Variants in TTC19 observed in about 807,000 individuals in gnomAD.
TTC19 encodes the protein tetratricopeptide repeat protein 19, mitochondrial.
TTC19 carries 38 observed loss-of-function variants against 49.5 expected under a neutral mutation model. The observed-to-expected ratio is 0.77, with a 90% CI of 0.59 to 1.01. The LOEUF (loss-of-function observed/expected upper bound fraction) is 1.01. TTC19 is among the 50% of genes least tolerant of loss of function. The pLI, the probability that TTC19 is intolerant of heterozygous loss-of-function variation, is 0.00. For synonymous variants in TTC19, 204 were observed against 185.2 expected (o/e 1.10, Z -0.83); for missense variants, 475 against 477.7 (o/e 0.99, Z 0.05).
chr17:16,015,881 T>C (rs927995601), intron 7 of TTC19, among the ~76,000 whole-genome samples: 9 of 152,182 alleles, frequency 5.9e-5, no homozygotes, highest in African/African-American at 2.2e-4. Context: ...GGCACCTATA[T>C]TTTACTATTA....
chr17:16,025,377 C>T (rs1437817634), intron 8 of TTC19, among the ~76,000 whole-genome samples: 2 of 152,220 alleles, frequency 1.3e-5, no homozygotes, highest in Non-Finnish European at 2.9e-5. Context: ...GTTACTAGGT[C>T]TGCCCAGAAC....
At position 16,000,252 on chromosome 17, in the gene TTC19, C is replaced by T. The variant is rs1281809441; in HGVS notation, c.312+7C>T. On this transcript the variant is annotated splice_region_variant and intron_variant, in intron 2 of 9. Transcript: ENST00000261647. ...GCTGCTGAAGCGAGCCAAGGTGAGG[C>T]GGCTCCGGGCCCTGCGCCCGGCCGA... The T allele has an allele frequency of 6.3e-7, 1 of 1,593,956 alleles. No homozygotes were observed. Among genetic ancestry groups the T allele is most frequent in the South Asian group, 1.1e-5 (1 of 90,872 alleles).
At chr17:16,002,913 C>A in intron 4 of TTC19, 82 bp downstream of exon 4, 1 of 1,302,860 alleles carries the variant, frequency 7.7e-7, no homozygotes, top group Non-Finnish European at 1.1e-6. Flanking sequence ...ACAGGCTAAG[C>A]TGCTATAACA....
chr17:16,023,577 A>G (rs1971449152), intron 7 of TTC19: 1 of 152,236 alleles, frequency 6.6e-6, no homozygotes. Flanking sequence ...TGTTAACATC[A>G]TTCTCGAATA....
At chr17:16,027,123 C>G in intron 9 of TTC19, 1 of 549,560 alleles carries the variant, frequency 1.8e-6, no homozygotes, top group Non-Finnish European at 3.3e-6. Context: ...AGGTGTATTA[C>G]ACATACCACC....
chr17:16,043,151 CTG>C (rs775727486), intron 2 of TTC19, among the ~76,000 whole-genome samples: 1 of 152,174 alleles, frequency 6.6e-6, no homozygotes, highest in Non-Finnish European at 1.5e-5. Flanking sequence ...AAGTGGTTCA[CTG>C]TGTCAAAAGC....
intron 5 of TTC19, 114 bp from the exon 6 acceptor site, chr17:16,004,087 C>G: frequency 8.2e-7 from 1 of 1,212,740 alleles, no homozygotes; most frequent in Non-Finnish European, 1.2e-6. Context: ...GCTCATCACT[C>G]TAAAAGAATA....
intron 3 of TTC19, 26 bp from the exon 4 acceptor site, chr17:16,002,767 A>C (rs1970781120): frequency 6.2e-7 from 1 of 1,612,696 alleles, no homozygotes; most frequent in Admixed American, 1.7e-5. Flanking sequence ...TTCTAAACTG[A>C]AAAACAATTT....
At chr17:16,038,243 T>A (rs2056824932) in intron 2 of TTC19, among the ~76,000 whole-genome samples, 1 of 152,212 alleles carries the variant, frequency 6.6e-6, no homozygotes, top group South Asian at 2.1e-4. Flanking sequence ...AAAAAGGTTG[T>A]AAGATTAAAG....
At chr17:16,032,545 A>C, downstream of TTC19, 3 of 1,461,876 alleles carry the variant, frequency 2.1e-6, no homozygotes, top group South Asian at 2.8e-5. Context: ...ATCCAATCCA[A>C]CTTTTGTAGG....
At chr17:16,032,211 G>A (rs529056639), downstream of TTC19, 2 of 1,335,270 alleles carry the variant, frequency 1.5e-6, no homozygotes, top group Non-Finnish European at 2.0e-6. Context: ...TCACAGGAGG[G>A]CAGGTTTTTG....
At chr17:16,040,209 GTTCT>G in intron 2 of TTC19, 1 of 631,810 alleles carries the variant, frequency 1.6e-6, no homozygotes, top group Non-Finnish European at 2.9e-6. Flanking sequence ...TTTTGACAGT[GTTCT>G]TTAATAGTTT....
chr17:16,029,665 A>G (rs1322573243), downstream of TTC19: 2 of 167,892 alleles, frequency 1.2e-5, no homozygotes, highest in African/African-American at 4.8e-5. Flanking sequence ...AACCACAGTA[A>G]GTTGTCAGTG....
downstream of TTC19, chr17:16,032,497 A>C (rs768400748): frequency 1.1e-5 from 17 of 1,562,190 alleles, no homozygotes; most frequent in Admixed American, 2.0e-4. Flanking sequence ...ACAAAAGAAA[A>C]ATTAGGTTTT....
Position 16,034,924 on chromosome 17 carries a change from G to T in TTC19, c.247+8222G>T. 1.2e-6 allele frequency: 2 copies of T among 1,613,904 alleles called. No homozygotes were observed. The highest frequency in any genetic ancestry group is 1.7e-6 in the Non-Finnish European group (2 of 1,179,958). ...TTCCTGCTGTTTGACTTGCTGATCA[G>T]CTTTGGTTTGCAAACTCCTCCTGAA... On this transcript the variant is annotated intron_variant, in intron 2 of 2. Transcript: ENST00000470649.
chr17:16,031,004 ATACT>A (rs1971882232), downstream of TTC19: 1 of 196,812 alleles, frequency 5.1e-6, no homozygotes, highest in Admixed American at 6.1e-5. Flanking sequence ...TTATAGAAAG[ATACT>A]TAAATGCTAT....
intron 8 of TTC19, 152 bp from the exon 9 acceptor site, chr17:16,026,388 G>A (rs965981612): frequency 2.9e-6 from 2 of 699,910 alleles, no homozygotes; most frequent in South Asian, 1.9e-5. Context: ...ATTAACAAAT[G>A]CCCACAAATT....
chr17:16,030,841 C>G (rs1055709371), downstream of TTC19: 3 of 185,872 alleles, frequency 1.6e-5, no homozygotes, highest in African/African-American at 7.0e-5. Context: ...TAGCTAATCA[C>G]AGAGCTGCTT....
chr17:16,009,562 T>C (rs1422271805), intron 7 of TTC19, among the ~76,000 whole-genome samples: 1 of 152,194 alleles, frequency 6.6e-6, no homozygotes, highest in Non-Finnish European at 1.5e-5. Flanking sequence ...ATTATAAATA[T>C]TATTTTTACA....
Sources: allele counts gnomAD v4.1 joint callset (sites outside exome capture counted in the v4.1 genomes callset), GRCh38; gene constraint gnomAD v4.1.1; transcripts MANE v1.5; gene names NCBI Gene and HGNC (gene_info 2026-07-23, HGNC 2026-07-21).